The following PRDM6 variants were observed in gnomAD, a reference collection of about 807,000 sequenced individuals.
PRDM6 encodes putative histone-lysine N-methyltransferase PRDM6.
PRDM6 carries 25 observed loss-of-function variants against 60.8 expected under a neutral mutation model. The ratio of observed to expected loss-of-function variants is 0.41; its 90% CI spans 0.30 to 0.57. The LOEUF (loss-of-function observed/expected upper bound fraction) is 0.57. Among genes scored for constraint, PRDM6 ranks in the 20% least tolerant of loss-of-function variants. The probability of loss-of-function intolerance (pLI) is 0.27; values close to 1 mark genes in which losing one functional copy is unlikely to be tolerated. For missense variants in PRDM6, 839 were observed against 821.3 expected (o/e 1.02, Z -0.26); for synonymous variants, 407 against 357.4 (o/e 1.14, Z -1.57).
chr5:123,092,628 C>T (rs917096310), intron 2 of PRDM6, among the ~76,000 whole-genome samples: 9 of 152,120 alleles, frequency 5.9e-5, no homozygotes, highest in African/African-American at 2.2e-4. Context: ...TGTTAATCTT[C>T]TGGTATCTCC....
At chr5:123,159,454 T>G in intron 4 of PRDM6, 60 bp from the exon 5 acceptor site, 1 of 1,515,002 alleles carries the variant, frequency 6.6e-7, no homozygotes, top group South Asian at 1.3e-5. Context: ...AATAAAAATA[T>G]GGATGGGGGC....
intron 3 of PRDM6, among the ~76,000 whole-genome samples, chr5:123,143,505 C>T (rs1187628418): frequency 6.6e-6 from 1 of 152,132 alleles, no homozygotes; most frequent in African/African-American, 2.4e-5. Context: ...AACAAAGGAT[C>T]GGCAAACCTT....
rs145947491 is a variant in PRDM6, at chr5:123,176,133, T to C, written c.1497-4014T>C. On this transcript the variant is annotated intron_variant, in intron 6 of 7. Coordinates refer to ENST00000407847, the MANE Select transcript of PRDM6 (RefSeq NM_001136239.4). ...TTAAATTAATCCAAATTAAGTAAAA[T>C]AGTACTTCAGTTTCTCAGGCGCACT... Among the ~76,000 whole-genome samples the C allele has an allele frequency of 5.4e-3, 821 of 152,276 alleles. 8 individuals carry two copies. The highest frequency in any genetic ancestry group is 0.018 in the African/African-American group (767 of 41,540).
intron 3 of PRDM6, among the ~76,000 whole-genome samples, chr5:123,100,563 TAAGC>T (rs1210933851): frequency 8.5e-5 from 13 of 152,186 alleles, no homozygotes; most frequent in African/African-American, 2.9e-4. Context: ...GGGCCCAAAT[TAAGC>T]AAATTATATT....
chr5:123,138,577 G>GA (rs1268547451), intron 3 of PRDM6, among the ~76,000 whole-genome samples: 1 of 152,184 alleles, frequency 6.6e-6, no homozygotes, highest in African/African-American at 2.4e-5. Context: ...AAAGTTGAAT[G>GA]TTTTCAGGAA....
Position 123,191,944 on chromosome 5 carries a change from T to A in PRDM6, c.*4743T>A, listed in dbSNP as rs573446197. 3.3e-5 allele frequency: 5 copies of A among 152,346 alleles called. No homozygotes were observed. Among genetic ancestry groups the A allele is most frequent in the African/African-American group, 1.2e-4 (5 of 41,574 alleles). The allele number at this position is 152,346 out of a possible 1,614,324, so 9.4% of individuals were successfully genotyped here. A position where few individuals can be genotyped will look rare whatever the true frequency, so the allele number is the denominator to read the frequency against. On this transcript the variant is annotated 3_prime_UTR_variant, in exon 8 of 8. Transcript: ENST00000407847. ...TTTGACATTTAAAATATTTATTTAG[T>A]TTCTTCCTTTAAATAATAAATGCCA... is the stretch of plus-strand genomic sequence containing the variant.
In PRDM6 at chr5:123,180,330, A is replaced by G. The variant is rs1036129278; in HGVS notation, c.1673+7A>G. 3 of 1,546,926 alleles carry G rather than the reference A, an allele frequency of 1.9e-6. No individual in the cohort carries two copies. Among genetic ancestry groups the G allele is most frequent in the Non-Finnish European group, 2.6e-6 (3 of 1,144,216 alleles). ...CTGGAGAAAAGCCCTTCAAGTAAGT[A>G]GTGGCTAGCCCTCCACCCTCTCTTT... On this transcript the variant is annotated splice_region_variant and intron_variant, in intron 7 of 7. Transcript: ENST00000407847.
intron 5 of PRDM6, among the ~76,000 whole-genome samples, chr5:123,167,401 T>C (rs1458799794): frequency 6.6e-6 from 1 of 152,136 alleles, no homozygotes; most frequent in East Asian, 1.9e-4. Flanking sequence ...ACTTTTTTTT[T>C]TTTTTGAGAC....
In PRDM6 at chr5:123,094,860, T is replaced by C. The variant is rs538163022; in HGVS notation, c.592+4254T>C. 1.1e-4 allele frequency among the ~76,000 whole-genome samples: 17 copies of C among 152,294 alleles called. No homozygotes were observed. The South Asian group carries it at 1.9e-3, about 17-fold the overall frequency. ...CAAACTGGCGCTCCCATTTAATTTA[T>C]TAATACAGTCATCGGAAGACAAATA... On this transcript the variant is annotated intron_variant, in intron 2 of 7. Coordinates refer to ENST00000407847, the MANE Select transcript of PRDM6 (RefSeq NM_001136239.4).
intron 3 of PRDM6, among the ~76,000 whole-genome samples, chr5:123,139,993 G>A (rs1488451072): frequency 1.3e-5 from 2 of 152,198 alleles, no homozygotes; most frequent in African/African-American, 2.4e-5. Context: ...ATTTCAAAGG[G>A]CAGCAAATCT....
At chr5:123,172,052 A>G (rs1033748824) in intron 6 of PRDM6, among the ~76,000 whole-genome samples, 1 of 152,136 alleles carries the variant, frequency 6.6e-6, no homozygotes, top group Non-Finnish European at 1.5e-5. Flanking sequence ...CTGGGGTAGG[A>G]GACTTGGAAG....
At chr5:123,160,585 C>T (rs1179505321) in intron 5 of PRDM6, among the ~76,000 whole-genome samples, 1 of 143,878 alleles carries the variant, frequency 7.0e-6, no homozygotes, top group African/African-American at 2.8e-5. Flanking sequence ...AACACATGCA[C>T]TCACACAAAA....
chr5:123,100,486 C>T (rs577699632), intron 3 of PRDM6, among the ~76,000 whole-genome samples: 31 of 152,068 alleles, frequency 2.0e-4, no homozygotes, highest in African/African-American at 7.0e-4. Context: ...CAAAGTTGAA[C>T]GTGAGAGATC....
chr5:123,090,347 G>A lies in PRDM6; in HGVS notation c.333G>A (p.Leu111=). ...AAAALAGLSA[L]PVSQLPVFAP... ...CCGCGCTGGCTGGTCTCTCGGCCCT[G>A]CCGGTGTCGCAGCTGCCGGTGTTCG... The change falls in exon 2 of 8, where the codon CTG becomes CTA. Residue 111 remains leucine (L), a synonymous_variant. Transcript: ENST00000407847. 6.8e-7 allele frequency: 1 copy of A among 1,475,582 alleles called. No homozygotes were observed. Among genetic ancestry groups the A allele is most frequent in the Non-Finnish European group, 8.9e-7 (1 of 1,118,322 alleles). 91.4% of individuals were successfully genotyped at this position (1,475,582 alleles called of 1,614,324 possible).
chr5:123,134,136 C>T (rs1272862138), intron 3 of PRDM6, among the ~76,000 whole-genome samples: 1 of 151,978 alleles, frequency 6.6e-6, no homozygotes, highest in Non-Finnish European at 1.5e-5. Flanking sequence ...CCAAGTTGTA[C>T]TTCTTTTTCT....
Position 123,099,835 on chromosome 5 carries a change from G to A in PRDM6, c.774G>A (p.Leu258=). 6.4e-7 allele frequency: 1 copy of A among 1,550,564 alleles called. No individual in the cohort carries two copies. Among genetic ancestry groups the A allele is most frequent in the Non-Finnish European group, 8.7e-7 (1 of 1,146,852 alleles). ...TCTGCACCAGTACTGTGCCCGGCCT[G>A]GCCTACGGCATCTGCGCGGCGCAGA... ...VCLCTSTVPG[L]AYGICAAQRI... Residue 258 remains leucine (L), a synonymous_variant, in exon 3 of 8, where the codon CTG becomes CTA. Transcript: ENST00000407847. The surrounding 1 kb of genome is among the most constrained non-coding windows in gnomAD (Gnocchi z 4.0).
chr5:123,103,708 C>T (rs1764150401), intron 3 of PRDM6, among the ~76,000 whole-genome samples: 1 of 151,910 alleles, frequency 6.6e-6, no homozygotes, highest in Admixed American at 6.6e-5. Context: ...TTTAATATGA[C>T]TGGACCTGAG....
At position 123,190,504 on chromosome 5, in the gene PRDM6, CAT is replaced by C. The variant is rs1431978639; in HGVS notation, c.*3307_*3308del. The C allele has an allele frequency of 2.0e-5, 3 of 152,146 alleles. No homozygotes were observed. Among genetic ancestry groups the C allele is most frequent in the African/African-American group, 7.2e-5 (3 of 41,428 alleles). The allele number at this position is 152,146 out of a possible 1,614,324, so 9.4% of individuals were successfully genotyped here. On this transcript the variant is annotated 3_prime_UTR_variant, in exon 8 of 8. Transcript: ENST00000407847. ...TAATTAAAGCTATGAAACTTAATCT[CAT>C]ATAATTTATATAATTTGATTCAGTT...
chr5:123,179,115 C>G (rs776559842), intron 6 of PRDM6, among the ~76,000 whole-genome samples: 1 of 152,204 alleles, frequency 6.6e-6, no homozygotes, highest in Non-Finnish European at 1.5e-5. Flanking sequence ...TTTTATATCA[C>G]TCACCAGATT....
Sources: allele counts gnomAD v4.1 joint callset (sites outside exome capture counted in the v4.1 genomes callset), GRCh38; gene constraint gnomAD v4.1.1; non-coding constraint Gnocchi (gnomAD v3.1); transcripts MANE v1.5; gene names NCBI Gene and HGNC (gene_info 2026-07-23, HGNC 2026-07-21).